MRPL37: variants seen among roughly 807,000 people sequenced by gnomAD.
The protein encoded by MRPL37 is large ribosomal subunit protein mL37.
Under a neutral mutation model 44.1 loss-of-function variants are expected in MRPL37, and 34 were observed. The ratio of observed to expected loss-of-function variants is 0.77; its 90% CI spans 0.59 to 1.03. The LOEUF (loss-of-function observed/expected upper bound fraction) is 1.03, where lower values mean the gene tolerates loss of function less well. MRPL37 is among the 50% of genes least tolerant of loss of function. The pLI is 0.00. For synonymous variants in MRPL37, 212 were observed against 219.5 expected, an observed-to-expected ratio of 0.97 and a Z score of 0.30; for missense variants, 532 against 543.7, an observed-to-expected ratio of 0.98 and a Z score of 0.21.
downstream of MRPL37, among the ~76,000 whole-genome samples, chr1:54,222,879 G>C (rs920482396): frequency 1.3e-5 from 2 of 152,174 alleles, no homozygotes; most frequent in African/African-American, 4.8e-5. Flanking sequence ...CTGTCCTTCC[G>C]TGTCTGTTCA....
At chr1:54,220,787 G>C (rs1386495621), downstream of MRPL37, 1 of 471,430 alleles carries the variant, frequency 2.1e-6, no homozygotes, top group Admixed American at 2.3e-5. Context: ...CAGGGAGAGT[G>C]CTGCGCCGGG....
Position 54,215,014 on chromosome 1 carries a change from C to G in MRPL37, c.991-1127C>G, listed in dbSNP as rs374073420. 1.9e-4 allele frequency among the ~76,000 whole-genome samples: 29 copies of G among 152,324 alleles called. No homozygotes were observed. In the Middle Eastern group the frequency reaches 0.01, roughly 54 times the overall value. ...AGATTCAGCCCCAGTGGGGTGAACA[C>G]AGGCAGCATTTTTGAATCAAGGATG... On this transcript the variant is annotated intron_variant, in intron 5 of 6. Transcript: ENST00000360840.
chr1:54,216,151 A>G lies in MRPL37; in HGVS notation c.1001A>G (p.Lys334Arg), dbSNP rs149980693. The change falls in exon 6 of 7, where the codon AAG becomes AGG. Residue 334 changes from lysine to arginine, a missense_variant. Transcript: ENST00000360840. ...CCCTTTTCCTCTCAGAATGATGCCA[A>G]GGTCTTGGAGCAGCCCGTGGTGGTG... ...QARLLYGNDAKVLEQPVVVQS... is the reference protein window; with the variant it reads ...QARLLYGNDARVLEQPVVVQS... 9.3e-6 allele frequency: 15 copies of G among 1,614,088 alleles called. No homozygotes were observed. In the African/African-American group the frequency reaches 1.2e-4, roughly 13 times the overall value.
downstream of MRPL37, among the ~76,000 whole-genome samples, chr1:54,221,604 G>A (rs1051860823): frequency 8.3e-4 from 127 of 152,234 alleles, no homozygotes; most frequent in African/African-American, 3.0e-3. Flanking sequence ...TCTCACACAC[G>A]TGCACAGGCA....
chr1:54,200,196 G>A lies in MRPL37; in HGVS notation c.-48G>A, dbSNP rs1644065636. On this transcript the variant is annotated 5_prime_UTR_variant, in exon 1 of 7. Coordinates refer to ENST00000360840, the MANE Select transcript of MRPL37 (RefSeq NM_016491.4). ...TTCGTTCCCAGCAGGCCCTGCGCGC[G>A]GCAACATGGCGGGGTCCAGGTGGAG... 4 of 1,499,352 alleles carry A rather than the reference G, an allele frequency of 2.7e-6. No homozygotes were observed. The highest frequency in any genetic ancestry group is 3.5e-6 in the Non-Finnish European group (4 of 1,130,174). The allele number at this position is 1,499,352 out of a possible 1,614,324, so 92.9% of individuals were successfully genotyped here.
chr1:54,202,437 A>G (rs757195517), intron 1 of MRPL37, among the ~76,000 whole-genome samples: 2 of 152,096 alleles, frequency 1.3e-5, no homozygotes, highest in African/African-American at 2.4e-5. Context: ...GTCTCCCCCA[A>G]AGTATCTTAA....
rs11544810 is a variant in MRPL37 at position 54,200,427 on chromosome 1, G to A, written c.184G>A (p.Gly62Arg). The A allele has an allele frequency of 3.4e-4, 553 of 1,614,142 alleles. No homozygotes were observed. The highest frequency in any genetic ancestry group is 4.5e-4 in the Non-Finnish European group (535 of 1,180,062). The part of the protein sequence containing the change: ...IPGLEPITFA[G>R]KMHFVPWLAR... Reference sequence around the variant, plus strand: ...TGGACTGGAGCCCATCACCTTTGCGGGGAAGATGCACTTCGTGCCCTGGCT... The same window carrying A: ...TGGACTGGAGCCCATCACCTTTGCGAGGAAGATGCACTTCGTGCCCTGGCT... Residue 62 changes from glycine to arginine, a missense_variant, in exon 1 of 7, where the codon GGG becomes AGG. Transcript: ENST00000360840.
intron 1 of MRPL37, among the ~76,000 whole-genome samples, chr1:54,201,362 C>G (rs1260739306): frequency 6.6e-6 from 1 of 152,178 alleles, no homozygotes; most frequent in Non-Finnish European, 1.5e-5. Context: ...AATTGGCCAG[C>G]CTCTTAAGCT....
At chr1:54,200,705 C>A (rs1644073789) in intron 1 of MRPL37, 116 bp downstream of exon 1, 2 of 1,141,952 alleles carry the variant, frequency 1.8e-6, no homozygotes, top group South Asian at 1.6e-5. Context: ...TCTTCGTCTG[C>A]GAAATGGGGC....
chr1:54,219,229 G>A (rs972455562), downstream of MRPL37, among the ~76,000 whole-genome samples: 2 of 152,240 alleles, frequency 1.3e-5, no homozygotes, highest in South Asian at 2.1e-4. Flanking sequence ...TCCTGACAGC[G>A]GGTGGGACCT....
In MRPL37 at chr1:54,205,306, T is replaced by C. The variant is rs1488113793; in HGVS notation, c.542T>C (p.Val181Ala). Residue 181 changes from valine to alanine, a missense_variant, in exon 3 of 7, where the codon GTG becomes GCG. Val to Ala is a moderately conservative substitution (Grantham distance 64). Coordinates refer to ENST00000360840, the MANE Select transcript of MRPL37 (RefSeq NM_016491.4). ...PKRETYCPVIVDNLIQLCKSQ... is the reference protein window; with the variant it reads ...PKRETYCPVIADNLIQLCKSQ... The stretch of plus-strand genomic sequence containing the variant: ...TTTTTGTCTTCAAGCCCGGTCATCG[T>C]GGACAACCTAATACAGCTGTGTAAA... 2 of 1,613,234 alleles carry C rather than the reference T, an allele frequency of 1.2e-6. No homozygotes were observed. Among genetic ancestry groups the C allele is most frequent in the African/African-American group, 2.7e-5 (2 of 74,908 alleles).
rs151051475 is a variant in MRPL37 at position 54,217,437 on chromosome 1, C to A, written c.1195-735C>A. On this transcript the variant is annotated intron_variant, in intron 6 of 6. Transcript: ENST00000360840. ...GCCTCTCCCTTCCAGGATACTGACT[C>A]AGGGCTGGGCCTGTTGTGGTTTGGA... 1.0e-3 allele frequency among the ~76,000 whole-genome samples: 154 copies of A among 152,308 alleles called. 1 individual carries two copies. The highest frequency in any genetic ancestry group is 2.1e-3 in the South Asian group (10 of 4,822).
chr1:54,220,588 C>T (rs1486517072), downstream of MRPL37: 2 of 464,698 alleles, frequency 4.3e-6, no homozygotes, highest in Non-Finnish European at 4.5e-6. Flanking sequence ...GCTCGTGTGT[C>T]ATGACAGCTG....
At chr1:54,225,256 A>G, downstream of MRPL37, 1 of 1,234,342 alleles carries the variant, frequency 8.1e-7, no homozygotes, top group Non-Finnish European at 1.0e-6. Context: ...CGCCAAGGCC[A>G]TCGCGACTCC....
chr1:54,214,107 C>T (rs559881300), intron 5 of MRPL37, among the ~76,000 whole-genome samples: 9 of 152,306 alleles, frequency 5.9e-5, no homozygotes, highest in African/African-American at 1.9e-4. Flanking sequence ...TGCTTTAACC[C>T]AGGAGGCGGA....
chr1:54,210,223 G>GC, intron 4 of MRPL37, 92 bp downstream of exon 4: 8 of 1,288,594 alleles, frequency 6.2e-6, no homozygotes, highest in South Asian at 1.4e-5. Flanking sequence ...CTTGCTAGGT[G>GC]CTAGGCACCT....
intron 6 of MRPL37, 55 bp from the exon 7 acceptor site, chr1:54,218,117 T>C: frequency 6.8e-7 from 1 of 1,476,616 alleles, no homozygotes; most frequent in Non-Finnish European, 9.5e-7. Context: ...ATCTTTGTTT[T>C]AATTGCTGCC....
downstream of MRPL37, among the ~76,000 whole-genome samples, chr1:54,222,325 A>C (rs907759801): frequency 3.3e-5 from 5 of 151,596 alleles, no homozygotes; most frequent in Admixed American, 3.3e-4. Context: ...GGCAAGTGGG[A>C]AGGAGGAGGG....
rs1485703539 is a variant in MRPL37, at chr1:54,209,105, G to T, written c.647-841G>T. Reference sequence around the variant, plus strand: ...AGTTTTCCCCACCTGTACAATTTTTGAATATGTTTCATCCTTTTCACTGTA... The same window carrying T: ...AGTTTTCCCCACCTGTACAATTTTTTAATATGTTTCATCCTTTTCACTGTA... On this transcript the variant is annotated intron_variant, in intron 3 of 6. Transcript: ENST00000360840. Among the ~76,000 whole-genome samples the T allele has an allele frequency of 3.9e-5, 6 of 152,158 alleles. No individual in the cohort carries two copies. In the East Asian group the frequency reaches 7.7e-4, roughly 20 times the overall value.
Sources: allele counts gnomAD v4.1 joint callset (sites outside exome capture counted in the v4.1 genomes callset), GRCh38; gene constraint gnomAD v4.1.1; transcripts MANE v1.5; gene names NCBI Gene and HGNC (gene_info 2026-07-23, HGNC 2026-07-21).